DGKI: variants seen among roughly 807,000 people sequenced by gnomAD.
DGKI encodes the protein DAG kinase iota.
A neutral mutation model predicts 147.5 loss-of-function variants in DGKI; 55 were observed. That is an observed-to-expected ratio of 0.37 (90% CI 0.30 to 0.47). The LOEUF (loss-of-function observed/expected upper bound fraction) is 0.47. Among genes scored for constraint, DGKI ranks in the 20% least tolerant of loss-of-function variants. The pLI is 1.00. For synonymous variants in DGKI, 469 were observed against 477.1 expected, an observed-to-expected ratio of 0.98 and a Z score of 0.22; for missense variants, 1,007 against 1,323.8, an observed-to-expected ratio of 0.76 and a Z score of 3.71.
intron 21 of DGKI, among the ~76,000 whole-genome samples, chr7:137,502,402 G>A (rs1415226175): frequency 6.6e-6 from 1 of 152,044 alleles, no homozygotes; most frequent in African/African-American, 2.4e-5. Flanking sequence ...TGTGTCATAT[G>A]ATAAATTTAG....
At chr7:137,491,219 C>A (rs1815752354) in intron 21 of DGKI, among the ~76,000 whole-genome samples, 1 of 152,156 alleles carries the variant, frequency 6.6e-6, no homozygotes, top group African/African-American at 2.4e-5. Context: ...AAGATAGAAG[C>A]ACTGGATGTT....
intron 1 of DGKI, among the ~76,000 whole-genome samples, chr7:137,830,530 GTGC>G (rs1585545139): frequency 6.6e-6 from 1 of 152,186 alleles, no homozygotes; most frequent in East Asian, 1.9e-4. Context: ...TTTTAGTTTA[GTGC>G]TGCATTTTTA....
At chr7:137,790,221 G>A (rs1796808116) in intron 1 of DGKI, among the ~76,000 whole-genome samples, 1 of 141,982 alleles carries the variant, frequency 7.0e-6, no homozygotes, top group Non-Finnish European at 1.5e-5. Flanking sequence ...GTTACAGATT[G>A]TGTATTACCA....
At chr7:137,585,150 T>C in intron 14 of DGKI, 59 bp downstream of exon 14, 3 of 1,592,768 alleles carry the variant, frequency 1.9e-6, no homozygotes, top group Admixed American at 1.8e-5. Flanking sequence ...GGATTTTTTT[T>C]CCTGTAGCTC....
At chr7:137,530,369 C>T (rs1212367171) in intron 20 of DGKI, among the ~76,000 whole-genome samples, 4 of 152,160 alleles carry the variant, frequency 2.6e-5, no homozygotes, top group East Asian at 1.9e-4. Flanking sequence ...CTTTCAAATA[C>T]GTATGCTTCT....
At chr7:137,601,552 T>G (rs1819992437) in intron 10 of DGKI, among the ~76,000 whole-genome samples, 1 of 152,254 alleles carries the variant, frequency 6.6e-6, no homozygotes, top group African/African-American at 2.4e-5. Context: ...TTCAGTGTTC[T>G]GAGTAATCAT....
At chr7:137,432,933 G>T (rs1585110659) in intron 28 of DGKI, among the ~76,000 whole-genome samples, 1 of 152,312 alleles carries the variant, frequency 6.6e-6, no homozygotes, top group East Asian at 1.9e-4. Context: ...GCTCTGCTGG[G>T]TGAAGGAAAG....
chr7:137,617,132 A>T (rs1047047005), intron 8 of DGKI, among the ~76,000 whole-genome samples: 8 of 141,516 alleles, frequency 5.7e-5, no homozygotes, highest in African/African-American at 2.4e-4. Flanking sequence ...ACCAAAAAAA[A>T]AAAAAAAAAA....
At position 137,469,567 on chromosome 7, in the gene DGKI, C is replaced by T. The variant is rs1243492850; in HGVS notation, c.2426G>A (p.Arg809Gln). 2.5e-6 allele frequency: 4 copies of T among 1,614,002 alleles called. No individual in the cohort carries two copies. The highest frequency in any genetic ancestry group is 3.4e-6 in the Non-Finnish European group (4 of 1,179,942). Residue 809 changes from arginine to glutamine, a missense_variant, in exon 24 of 33, where the codon CGG (arginine) becomes CAG (glutamine). Physicochemically the swap from Arg to Gln is conservative, Grantham distance 43 (BLOSUM62 1). Transcript: ENST00000614521. ...GAACTCACCATCTAGGAAGCACCAC[C>T]GAGGAGAGAGCCTCTGTGCTGAGAG... is the stretch of plus-strand genomic sequence containing the variant. ...RALSAQRLSP[R>Q]WCFLDATSAD...
intron 19 of DGKI, among the ~76,000 whole-genome samples, chr7:137,564,972 A>C (rs1375991110): frequency 6.6e-6 from 1 of 152,220 alleles, no homozygotes; most frequent in Non-Finnish European, 1.5e-5. Context: ...CAGGAACTCT[A>C]TATGCCGCTC....
At chr7:137,812,943 A>T (rs1797634827) in intron 1 of DGKI, among the ~76,000 whole-genome samples, 1 of 152,240 alleles carries the variant, frequency 6.6e-6, no homozygotes, top group Non-Finnish European at 1.5e-5. Flanking sequence ...AATGCACCGA[A>T]GTACAGAAAG....
chr7:137,455,184 C>T (rs4728417), intron 27 of DGKI, among the ~76,000 whole-genome samples: 2 of 151,876 alleles, frequency 1.3e-5, no homozygotes, highest in Admixed American at 6.6e-5. Context: ...CATACCCCAG[C>T]AGCTTTCTGA....
chr7:137,385,515 A>C lies in DGKI; in HGVS notation c.*5705T>G, dbSNP rs969240631. 1 of 152,086 alleles carries C rather than the reference A, an allele frequency of 6.6e-6. No homozygotes were observed. The highest frequency in any genetic ancestry group is 1.5e-5 in the Non-Finnish European group (1 of 67,986). The allele number at this position is 152,086 out of a possible 1,614,324, so 9.4% of individuals were successfully genotyped here. A position where few individuals can be genotyped will look rare whatever the true frequency, so the allele number is the denominator to read the frequency against. On this transcript the variant is annotated 3_prime_UTR_variant, in exon 33 of 33. Coordinates refer to ENST00000614521, the MANE Select transcript of DGKI (RefSeq NM_001321708.2). ...AAATGCTAACAGAGGCTGAAAGTTT[A>C]TAACTGTGATATCCACTCCACTATT...
At chr7:137,540,784 A>AAAAAAAAAAT (rs1817671079) in intron 20 of DGKI, among the ~76,000 whole-genome samples, 2 of 140,404 alleles carry the variant, frequency 1.4e-5, no homozygotes, top group Non-Finnish European at 3.1e-5. Context: ...AAAAAAAAAA[A>AAAAAAAAAAT]AAAACATTTA....
At chr7:137,507,732 C>T (rs1387013896) in intron 21 of DGKI, among the ~76,000 whole-genome samples, 1 of 152,070 alleles carries the variant, frequency 6.6e-6, no homozygotes, top group Non-Finnish European at 1.5e-5. Context: ...ATGGTACCTG[C>T]CCTCAAGGAG....
intron 20 of DGKI, among the ~76,000 whole-genome samples, chr7:137,539,157 G>T (rs141577227): frequency 6.6e-5 from 10 of 152,164 alleles, no homozygotes; most frequent in Non-Finnish European, 1.5e-4. Context: ...GGGAAGAGGG[G>T]CTTCCTCTCT....
intron 1 of DGKI, among the ~76,000 whole-genome samples, chr7:137,812,538 G>A (rs1797622326): frequency 6.6e-6 from 1 of 152,142 alleles, no homozygotes; most frequent in Non-Finnish European, 1.5e-5. Context: ...GCAATTTTGA[G>A]GTCCTTATGC....
At chr7:137,581,397 A>C (rs1347768957) in intron 15 of DGKI, among the ~76,000 whole-genome samples, 1 of 152,222 alleles carries the variant, frequency 6.6e-6, no homozygotes, top group East Asian at 1.9e-4. Flanking sequence ...ATACAAACAG[A>C]GGGGACATTT....
At chr7:137,542,226 A>T (rs1171998505) in intron 20 of DGKI, among the ~76,000 whole-genome samples, 1 of 152,178 alleles carries the variant, frequency 6.6e-6, no homozygotes, top group Non-Finnish European at 1.5e-5. Flanking sequence ...ACGAAGGTGA[A>T]CATACACTTA....
Sources: gnomAD v4.1 joint callset for allele counts (sites outside exome capture counted in the v4.1 genomes callset) on GRCh38, gnomAD v4.1.1 for gene constraint, MANE v1.5 for transcripts, NCBI Gene and HGNC (gene_info 2026-07-23, HGNC 2026-07-21) for gene names.